MAST2: variants seen among roughly 807,000 people sequenced by gnomAD.
MAST2 encodes microtubule associated serine/threonine kinase 2, also known as microtubule-associated serine/threonine-protein kinase 2.
MAST2 carries 70 observed loss-of-function variants against 147.4 expected under a neutral mutation model. The ratio of observed to expected loss-of-function variants is 0.47; its 90% CI spans 0.39 to 0.58. The LOEUF (loss-of-function observed/expected upper bound fraction) is 0.58. Ranked by LOEUF, MAST2 falls within the 20% of genes least tolerant of loss-of-function variation. The pLI is 0.00. For synonymous variants in MAST2, 869 were observed against 896.8 expected (o/e 0.97, Z 0.55); for missense variants, 2,080 against 2,302.3 (o/e 0.90, Z 1.98).
At position 45,906,364 on chromosome 1, in the gene MAST2, T is replaced by G. The variant is rs1354376092; in HGVS notation, c.500+23969T>G. On this transcript the variant is annotated intron_variant, in intron 4 of 28. Coordinates refer to ENST00000361297, the MANE Select transcript of MAST2 (RefSeq NM_015112.3). Reference sequence around the variant, plus strand: ...GTGTCTTCATTTTTGGCAAAAACATTTAAAAAGAAATAATAAATTTAAAAT... The same window carrying G: ...GTGTCTTCATTTTTGGCAAAAACATGTAAAAAGAAATAATAAATTTAAAAT... Among the ~76,000 whole-genome samples the G allele has an allele frequency of 2.6e-5, 4 of 151,926 alleles. No individual in the cohort carries two copies. In the East Asian group the frequency reaches 7.7e-4, roughly 29 times the overall value.
chr1:46,032,367 G>A lies in MAST2; in HGVS notation c.3377G>A (p.Gly1126Asp). 1 of 1,613,926 alleles carries A rather than the reference G, an allele frequency of 6.2e-7. No homozygotes were observed. Among genetic ancestry groups the A allele is most frequent in the East Asian group, 2.2e-5 (1 of 44,844 alleles). ...CTGCGGGCCATTCGCGTCTACATGG[G>A]TGACTCCGATGTCTACACCGTGCAC... ...FTLRAIRVYM[G>D]DSDVYTVHHM... Residue 1126 changes from glycine (G) to aspartate (D), a missense_variant, in exon 25 of 29, where the codon GGT (glycine) becomes GAT (aspartate). Transcript: ENST00000361297.
chr1:45,951,402 G>T (rs1224476246), intron 4 of MAST2, among the ~76,000 whole-genome samples: 2 of 151,998 alleles, frequency 1.3e-5, no homozygotes, highest in Non-Finnish European at 2.9e-5. Context: ...AGACAATATG[G>T]TAAAACCCTG....
intron 4 of MAST2, among the ~76,000 whole-genome samples, chr1:45,947,460 G>C (rs769442986): frequency 3.3e-5 from 5 of 152,176 alleles, no homozygotes; most frequent in Non-Finnish European, 5.9e-5. Context: ...AGCCCAGTGA[G>C]CTCTTAGTAA....
chr1:45,911,837 CATTATTATTATTGTTAT>C (rs1485675982), intron 4 of MAST2, among the ~76,000 whole-genome samples: 2 of 143,178 alleles, frequency 1.4e-5, no homozygotes, highest in Non-Finnish European at 3.0e-5. Flanking sequence ...GCTGTTATGT[CATTATTATTATTGTTAT>C]ATTATTATTA....
At chr1:45,942,088 C>T (rs577288532) in intron 4 of MAST2, among the ~76,000 whole-genome samples, 5 of 151,930 alleles carry the variant, frequency 3.3e-5, no homozygotes, top group African/African-American at 1.2e-4. Context: ...TCAGGGACCC[C>T]AAGAGGTTTG....
At chr1:45,887,728 G>GT (rs2148359392) in intron 4 of MAST2, among the ~76,000 whole-genome samples, 1 of 152,328 alleles carries the variant, frequency 6.6e-6, no homozygotes, top group Admixed American at 6.5e-5. Context: ...CTTTGTTGAG[G>GT]TATCAGTGGC....
At chr1:45,939,935 A>G (rs1032784834) in intron 4 of MAST2, among the ~76,000 whole-genome samples, 1 of 149,716 alleles carries the variant, frequency 6.7e-6, no homozygotes, top group Non-Finnish European at 1.5e-5. Context: ...CATCTCAACA[A>G]CACTGAGTTC....
In MAST2 at chr1:45,959,428, C is replaced by A. The variant is rs370048669; in HGVS notation, c.543C>A (p.Ser181Arg). ...GCAAGAGCTTGATTGTGACCTCTAGCACATCACCTACACTACCACGGCCAC... is the reference window on the plus strand; with the variant it reads ...GCAAGAGCTTGATTGTGACCTCTAGAACATCACCTACACTACCACGGCCAC... ...SNRKSLIVTS[S>R]TSPTLPRPHS... is the part of the protein sequence containing the mutation. The change falls in exon 5 of 29, where the codon AGC becomes AGA. Residue 181 changes from serine (S) to arginine (R), a missense_variant. Ser to Arg is a moderately radical substitution (Grantham distance 110). Coordinates refer to ENST00000361297, the MANE Select transcript of MAST2 (RefSeq NM_015112.3). 9 of 1,613,840 alleles carry A rather than the reference C, an allele frequency of 5.6e-6. No homozygotes were observed. Among genetic ancestry groups the A allele is most frequent in the Non-Finnish European group, 6.8e-6 (8 of 1,179,836 alleles).
Position 46,030,118 on chromosome 1 carries a change from G to A in MAST2, c.2444-11G>A. On this transcript the variant is annotated splice_polypyrimidine_tract_variant and intron_variant, in intron 20 of 28. Coordinates refer to ENST00000361297, the MANE Select transcript of MAST2 (RefSeq NM_015112.3). ...GGCTCTGAAGGAAAGTGTCCTTTAT[G>A]TCTGGCCCAGCCCGCTCAGAGCGAT... is the stretch of plus-strand genomic sequence containing the variant. 1 of 1,613,768 alleles carries A rather than the reference G, an allele frequency of 6.2e-7. No individual in the cohort carries two copies. The highest frequency in any genetic ancestry group is 2.2e-5 in the East Asian group (1 of 44,890).
rs146938473 is a variant in MAST2 at position 46,033,049 on chromosome 1, C to T, written c.3537+331C>T. 7.8e-4 allele frequency among the ~76,000 whole-genome samples: 118 copies of T among 151,376 alleles called. No individual in the cohort carries two copies. The East Asian group carries it at 0.013, about 16-fold the overall frequency. Reference sequence around the variant, plus strand: ...ATCCCAGCACTTTGGGAGGCCGAGGCGGGTGGATCACCTGTGGTCAGGAGT... The same window carrying T: ...ATCCCAGCACTTTGGGAGGCCGAGGTGGGTGGATCACCTGTGGTCAGGAGT... On this transcript the variant is annotated intron_variant, in intron 26 of 28. Coordinates refer to ENST00000361297, the MANE Select transcript of MAST2 (RefSeq NM_015112.3).
chr1:45,916,806 G>A (rs368730969), intron 4 of MAST2, among the ~76,000 whole-genome samples: 2 of 152,144 alleles, frequency 1.3e-5, no homozygotes, highest in African/African-American at 2.4e-5. Context: ...GGCTGGGCAC[G>A]GTGGCTTACA....
At chr1:45,826,057 AC>A (rs2148713708) in intron 2 of MAST2, among the ~76,000 whole-genome samples, 2 of 151,984 alleles carry the variant, frequency 1.3e-5, no homozygotes, top group South Asian at 4.2e-4. Context: ...ACAGAGCGAA[AC>A]TCTGTCTCCA....
rs1645579724 is a variant in MAST2 at position 46,008,473 on chromosome 1, C to A, written c.978+102C>A. The A allele has an allele frequency of 2.3e-5, 17 of 726,004 alleles. No individual in the cohort carries two copies. In the Admixed American group the frequency reaches 4.1e-4, roughly 18 times the overall value. 45.0% of individuals were successfully genotyped at this position (726,004 alleles called of 1,614,324 possible). ...GGAGTGAAGGAATGAAGTGCTACCTCCAGAGATAACCAAGAAGAAGAACAG... is the reference window on the plus strand; with the variant it reads ...GGAGTGAAGGAATGAAGTGCTACCTACAGAGATAACCAAGAAGAAGAACAG... On this transcript the variant is annotated intron_variant, in intron 9 of 28. Transcript: ENST00000361297.
intron 4 of MAST2, among the ~76,000 whole-genome samples, chr1:45,945,494 C>T (rs1021386510): frequency 6.6e-6 from 1 of 152,080 alleles, no homozygotes; most frequent in Non-Finnish European, 1.5e-5. Context: ...ATGGCTGCCT[C>T]GTAGAAACTA....
At chr1:45,838,625 G>A (rs1300145774) in intron 3 of MAST2, among the ~76,000 whole-genome samples, 1 of 151,844 alleles carries the variant, frequency 6.6e-6, no homozygotes, top group Non-Finnish European at 1.5e-5. Context: ...AGGAATCTTC[G>A]TATATTCTGA....
intron 3 of MAST2, among the ~76,000 whole-genome samples, chr1:45,881,569 A>G (rs1646846266): frequency 6.6e-6 from 1 of 152,158 alleles, no homozygotes; most frequent in Non-Finnish European, 1.5e-5. Context: ...GTTATCGTAA[A>G]GGTTATTTCT....
Position 46,035,193 on chromosome 1 carries a change from C to T in MAST2, c.4524C>T (p.Thr1508=), listed in dbSNP as rs745891289. Reference sequence around the variant, plus strand: ...AGGTGGACTCCTCAGAGGACGACACCGAGGAAGGGCCTGAGAACAGCCAGG... The same window carrying T: ...AGGTGGACTCCTCAGAGGACGACACTGAGGAAGGGCCTGAGAACAGCCAGG... ...IREVDSSEDD[T]EEGPENSQGA... The change falls in exon 29 of 29, where the codon ACC becomes ACT. Residue 1508 remains threonine, a synonymous_variant. Coordinates refer to ENST00000361297, the MANE Select transcript of MAST2 (RefSeq NM_015112.3). This position sits in a 1 kb window ranked among gnomAD's most constrained non-coding sequence, Gnocchi z 5.5. The T allele has an allele frequency of 8.1e-6, 13 of 1,613,868 alleles. No individual in the cohort carries two copies. Among genetic ancestry groups the T allele is most frequent in the East Asian group, 2.2e-5 (1 of 44,876 alleles).
intron 3 of MAST2, among the ~76,000 whole-genome samples, chr1:45,831,645 A>G (rs1214459349): frequency 6.6e-6 from 1 of 152,096 alleles, no homozygotes; most frequent in Non-Finnish European, 1.5e-5. Context: ...GTGTGTATAT[A>G]TGTATTTTTT....
At chr1:45,908,524 A>T (rs1264204314) in intron 4 of MAST2, among the ~76,000 whole-genome samples, 3 of 152,048 alleles carry the variant, frequency 2.0e-5, no homozygotes, top group Non-Finnish European at 4.4e-5. Context: ...TTTCTTTGTC[A>T]TTTCATCTTT....
Sources: gnomAD v4.1 joint callset for allele counts (sites outside exome capture counted in the v4.1 genomes callset) on GRCh38, gnomAD v4.1.1 for gene constraint, Gnocchi (gnomAD v3.1) non-coding constraint, MANE v1.5 for transcripts, NCBI Gene and HGNC (gene_info 2026-07-23, HGNC 2026-07-21) for gene names.